ACAN: variants seen among roughly 807,000 people sequenced by gnomAD.
ACAN encodes the protein aggrecan, also known as aggrecan core protein.
A neutral mutation model predicts 169.1 loss-of-function variants in ACAN; 47 were observed. The ratio of observed to expected loss-of-function variants is 0.28; its 90% CI spans 0.22 to 0.35. The LOEUF (loss-of-function observed/expected upper bound fraction) is 0.35, where lower values mean the gene tolerates loss of function less well. Ranked by LOEUF, ACAN falls within the 10% of genes least tolerant of loss-of-function variation. The pLI is 1.00. For synonymous variants in ACAN, 1,115 were observed against 1,112.2 expected, an observed-to-expected ratio of 1.00 and a Z score of -0.05; for missense variants, 2,716 against 2,759.9, an observed-to-expected ratio of 0.98 and a Z score of 0.36.
Position 88,871,345 on chromosome 15 carries a change from T to C in ACAN, c.7061-37T>C. On this transcript the variant is annotated intron_variant, in intron 14 of 18. Transcript: ENST00000560601. This position sits in a 1 kb window ranked among gnomAD's most constrained non-coding sequence, Gnocchi z 7.8. ...CAGCATCTGCCATCCCCTGGTGGCC[T>C]CTGCCCCTCCCTTCAAGCCCCTGAC... 4 of 1,612,852 alleles carry C rather than the reference T, an allele frequency of 2.5e-6. No homozygotes were observed. The highest frequency in any genetic ancestry group is 2.5e-6 in the Non-Finnish European group (3 of 1,179,738).
intron 7 of ACAN, among the ~76,000 whole-genome samples, chr15:88,846,981 A>G (rs1054937305): frequency 2.6e-4 from 39 of 152,220 alleles, no homozygotes; most frequent in Non-Finnish European, 3.7e-4. Flanking sequence ...GTGCTTCCCA[A>G]ACTCAAGTCT....
Position 88,857,967 on chromosome 15 carries a change from T to A in ACAN, c.5382T>A (p.Asp1794Glu), listed in dbSNP as rs781293736. The part of the protein sequence containing the change: ...DLSGETSGVP[D>E]LSGQPSGLPG... ...GTGGAGAAACATCTGGGGTCCCTGA[T>A]CTCAGTGGGCAGCCTTCAGGGTTAC... is the stretch of plus-strand genomic sequence containing the variant. Residue 1794 changes from aspartate (D) to glutamate (E), a missense_variant, in exon 12 of 19, where the codon GAT becomes GAA. Asp to Glu is a conservative substitution (Grantham distance 45). Around this residue, in one of 3 missense-constraint regions of ACAN, gnomAD observed 1,389 missense variants for 1,363.7 expected, o/e 1.02. Coordinates refer to ENST00000560601, the MANE Select transcript of ACAN (RefSeq NM_001369268.1). 1 of 1,613,854 alleles carries A rather than the reference T, an allele frequency of 6.2e-7. No homozygotes were observed. Among genetic ancestry groups the A allele is most frequent in the Non-Finnish European group, 8.5e-7 (1 of 1,179,876 alleles).
At position 88,841,746 on chromosome 15, in the gene ACAN, C is replaced by T; in HGVS notation, c.636C>T (p.Pro212=). ...GWLADQTVRY[P]IHTPREGCYG... The stretch of plus-strand genomic sequence containing the variant: ...CATTTCGGGTTCCTGGCAGATACCC[C>T]ATCCACACTCCCCGGGAAGGCTGCT... Residue 212 remains proline, a synonymous_variant, in exon 5 of 19, where the codon CCC becomes CCT. Coordinates refer to ENST00000560601, the MANE Select transcript of ACAN (RefSeq NM_001369268.1). 6.2e-7 allele frequency: 1 copy of T among 1,613,880 alleles called. No homozygotes were observed.
rs1439137150 is a variant in ACAN, at chr15:88,854,848, A to G, written c.2267-4A>G. ...ACTTCATCTTTCTTCCTTCTTTCCT[A>G]CAGGGATCCTTCCTACTTGGCCTCC... On this transcript the variant is annotated splice_polypyrimidine_tract_variant and splice_region_variant and intron_variant, in intron 11 of 18. Transcript: ENST00000560601. The G allele has an allele frequency of 1.4e-6, 2 of 1,474,428 alleles. No individual in the cohort carries two copies. Among genetic ancestry groups the G allele is most frequent in the African/African-American group, 2.8e-5 (2 of 70,552 alleles). The allele number at this position is 1,474,428 out of a possible 1,614,324, so 91.3% of individuals were successfully genotyped here.
intron 1 of ACAN, among the ~76,000 whole-genome samples, chr15:88,833,410 C>T (rs2063922): frequency 0.6 from 90,420 of 151,800 alleles, 27,494 homozygotes; most frequent in Middle Eastern, 0.7. Flanking sequence ...GCTCCCCGTC[C>T]CCTTCCTCTG....
intron 1 of ACAN, among the ~76,000 whole-genome samples, chr15:88,812,137 G>A (rs1448273911): frequency 1.3e-5 from 2 of 152,232 alleles, no homozygotes; most frequent in East Asian, 1.9e-4. Flanking sequence ...TTAGCGCCTC[G>A]GCCTCCTGCA....
At chr15:88,840,940 C>T (rs189034353) in intron 4 of ACAN, among the ~76,000 whole-genome samples, 20 of 152,202 alleles carry the variant, frequency 1.3e-4, no homozygotes, top group East Asian at 9.7e-4. Flanking sequence ...GTCAGGAGAT[C>T]GAGACCATCC....
At chr15:88,847,133 T>G in intron 7 of ACAN, 110 bp from the exon 8 acceptor site, 1 of 1,224,534 alleles carries the variant, frequency 8.2e-7, no homozygotes, top group Non-Finnish European at 1.1e-6. Flanking sequence ...ATTGCCCAGA[T>G]AAATCCAATA....
intron 1 of ACAN, among the ~76,000 whole-genome samples, chr15:88,835,475 G>A (rs988426171): frequency 6.6e-6 from 1 of 152,146 alleles, no homozygotes; most frequent in Non-Finnish European, 1.5e-5. Context: ...TGCAATTATA[G>A]AGGCTGGCAA....
intron 4 of ACAN, 118 bp downstream of exon 4, chr15:88,840,304 A>G (rs1166713844): frequency 7.7e-7 from 1 of 1,292,794 alleles, no homozygotes; most frequent in Non-Finnish European, 1.0e-6. Context: ...CACTGTGGCC[A>G]GCCTAGGTTA....
Position 88,855,270 on chromosome 15 carries a change from C to G in ACAN, c.2685C>G (p.Pro895=), listed in dbSNP as rs767430560. The change falls in exon 12 of 19, where the codon CCC becomes CCG. Residue 895 remains proline (P), a synonymous_variant. Transcript: ENST00000560601. The part of the protein sequence containing the change: ...QLSGDRASGL[P]SGDLDSSGLT... ...CAGGGGACAGGGCAAGTGGACTGCC[C>G]TCTGGAGACCTGGACTCCAGTGGTC... 3.2e-5 allele frequency: 52 copies of G among 1,610,216 alleles called. 1 individual carries two copies. The Middle Eastern group carries it at 1.8e-3, about 56-fold the overall frequency.
At chr15:88,850,460 A>G (rs566042429) in intron 10 of ACAN, 15 of 153,300 alleles carry the variant, frequency 9.8e-5, no homozygotes, top group African/African-American at 3.6e-4. Flanking sequence ...TGCAGAGTCC[A>G]TGGAGGGTCT....
Position 88,874,434 on chromosome 15 carries a change from C to T in ACAN, c.7660C>T (p.Arg2554Trp), listed in dbSNP as rs538486886. The T allele has an allele frequency of 1.7e-5, 27 of 1,607,396 alleles. No individual in the cohort carries two copies. In the South Asian group the frequency reaches 2.0e-4, roughly 12 times the overall value. Reference sequence around the variant, plus strand: ...CACCTACAAACGCAGACTACAGAAGCGGAGCTCACGGCACCCTCGGAGGAG... The same window carrying T: ...CACCTACAAACGCAGACTACAGAAGTGGAGCTCACGGCACCCTCGGAGGAG... ...PTTYKRRLQK[R>W]SSRHPRRSRP... The change falls in exon 19 of 19, where the codon CGG becomes TGG. Residue 2554 changes from arginine (R) to tryptophan (W), a missense_variant. By Grantham distance (101) the Arg-to-Trp change is moderately radical (BLOSUM62 -3). Coordinates refer to ENST00000560601, the MANE Select transcript of ACAN (RefSeq NM_001369268.1). The surrounding 1 kb of genome is among the most constrained non-coding windows in gnomAD (Gnocchi z 7.3).
At chr15:88,835,021 A>C (rs1896465643) in intron 1 of ACAN, among the ~76,000 whole-genome samples, 1 of 152,208 alleles carries the variant, frequency 6.6e-6, no homozygotes. Context: ...GCTTTACAGC[A>C]GATGACGATA....
rs774066700 is a variant in ACAN, at chr15:88,838,914, A to C, written c.322A>C (p.Asn108His). ...SAYQDKVSLP[N>H]YPAIPSDATL... is the part of the protein sequence containing the mutation. ...CTATCAGGACAAGGTCTCACTGCCC[A>C]ACTACCCGGCCATCCCCAGTGACGC... is the stretch of plus-strand genomic sequence containing the variant. The change falls in exon 3 of 19, where the codon AAC (asparagine) becomes CAC (histidine). Residue 108 changes from asparagine (N) to histidine (H), a missense_variant. Coordinates refer to ENST00000560601, the MANE Select transcript of ACAN (RefSeq NM_001369268.1). The surrounding 1 kb of genome is among the most constrained non-coding windows in gnomAD (Gnocchi z 5.1). 5.6e-6 allele frequency: 9 copies of C among 1,614,016 alleles called. No individual in the cohort carries two copies. In the South Asian group the frequency reaches 9.9e-5, roughly 18 times the overall value.
intron 1 of ACAN, among the ~76,000 whole-genome samples, chr15:88,824,022 G>A (rs1388322469): frequency 1.3e-5 from 2 of 151,978 alleles, no homozygotes; most frequent in African/African-American, 4.8e-5. Flanking sequence ...AGTTATGATC[G>A]GTCTTAAGAT....
At chr15:88,860,072 CT>C (rs57985365) in intron 12 of ACAN, among the ~76,000 whole-genome samples, 268 of 102,888 alleles carry the variant, frequency 2.6e-3, no homozygotes, top group South Asian at 6.2e-3. Context: ...GCTGATTTTC[CT>C]TTTTTTTTTT....
At position 88,860,498 on chromosome 15, in the gene ACAN, C is replaced by T; in HGVS notation, c.6946+59C>T. On this transcript the variant is annotated intron_variant, in intron 13 of 18. Transcript: ENST00000560601. Reference sequence around the variant, plus strand: ...GGAGGCGCTGGACAGACTTCTTCATCCCCCAAAGGGTCCCCAGGTGGGAGG... The same window carrying T: ...GGAGGCGCTGGACAGACTTCTTCATTCCCCAAAGGGTCCCCAGGTGGGAGG... 3.4e-6 allele frequency: 5 copies of T among 1,484,174 alleles called. No individual in the cohort carries two copies. The Admixed American group carries it at 7.3e-5, about 22-fold the overall frequency. 91.9% of individuals were successfully genotyped at this position (1,484,174 alleles called of 1,614,324 possible).
rs1896557054 is a variant in ACAN at position 88,838,307 on chromosome 15, G to A, written c.71-356G>A. On this transcript the variant is annotated intron_variant, in intron 2 of 18. Transcript: ENST00000560601. The surrounding 1 kb of genome is among the most constrained non-coding windows in gnomAD (Gnocchi z 5.1). ...AGTTAAGCTGTCACTCCAAGGAGATGGGTCCTGTTTTATTCCACGCTTTGG... is the reference window on the plus strand; with the variant it reads ...AGTTAAGCTGTCACTCCAAGGAGATAGGTCCTGTTTTATTCCACGCTTTGG... Among the ~76,000 whole-genome samples, 1 of 152,130 alleles carries A rather than the reference G, an allele frequency of 6.6e-6. No homozygotes were observed. The highest frequency in any genetic ancestry group is 2.4e-5 in the African/African-American group (1 of 41,410).
Sources: allele counts gnomAD v4.1 joint callset (sites outside exome capture counted in the v4.1 genomes callset), GRCh38; gene constraint gnomAD v4.1.1; regional missense constraint gnomAD v4.1.1; non-coding constraint Gnocchi (gnomAD v3.1); transcripts MANE v1.5; gene names NCBI Gene and HGNC (gene_info 2026-07-23, HGNC 2026-07-21).